PTPRD: variants seen among roughly 807,000 people sequenced by gnomAD.
The protein encoded by PTPRD is protein tyrosine phosphatase receptor type D.
In PTPRD, 34 loss-of-function variants were observed where a neutral mutation model predicts 214.5. The observed-to-expected ratio is 0.16, with a 90% CI of 0.12 to 0.21. The LOEUF (loss-of-function observed/expected upper bound fraction) is 0.21. Among genes scored for constraint, PTPRD ranks in the 10% least tolerant of loss-of-function variants. The pLI is 1.00. For missense variants in PTPRD, 2,545 were observed against 2,398.7 expected (o/e 1.06, Z -1.27); for synonymous variants, 1,128 against 845.7 (o/e 1.33, Z -5.79).
intron 4 of PTPRD, among the ~76,000 whole-genome samples, chr9:9,982,816 G>C (rs2095589794): frequency 6.6e-6 from 1 of 152,002 alleles, no homozygotes; most frequent in Non-Finnish European, 1.5e-5. Context: ...CTTGATTATA[G>C]CTTTCTATTT....
At chr9:10,280,192 G>C (rs1452728894) in intron 3 of PTPRD, among the ~76,000 whole-genome samples, 1 of 151,986 alleles carries the variant, frequency 6.6e-6, no homozygotes. Flanking sequence ...GTCTCCAGTA[G>C]AAGTTTCCTT....
intron 8 of PTPRD, among the ~76,000 whole-genome samples, chr9:9,490,718 A>G (rs1221305335): frequency 6.6e-6 from 1 of 152,008 alleles, no homozygotes; most frequent in East Asian, 1.9e-4. Context: ...AAGCAGCTAT[A>G]AAATATAAAT....
At chr9:9,000,073 G>T (rs1300864266) in intron 11 of PTPRD, among the ~76,000 whole-genome samples, 1 of 152,006 alleles carries the variant, frequency 6.6e-6, no homozygotes, top group African/African-American at 2.4e-5. Flanking sequence ...TGGAGGCTCT[G>T]TGTGTAGCTT....
chr9:10,233,886 CAA>C (rs1018234190), intron 3 of PTPRD, among the ~76,000 whole-genome samples: 1 of 151,830 alleles, frequency 6.6e-6, no homozygotes, highest in Admixed American at 6.6e-5. Context: ...AGGGGCAAAT[CAA>C]AAGTTTTACC....
At chr9:10,335,524 G>A (rs890052158) in intron 3 of PTPRD, among the ~76,000 whole-genome samples, 1 of 151,670 alleles carries the variant, frequency 6.6e-6, no homozygotes, top group Non-Finnish European at 1.5e-5. Context: ...AAATGTAGAT[G>A]ATCTTGGGTT....
intron 3 of PTPRD, among the ~76,000 whole-genome samples, chr9:10,307,539 C>T (rs1394662300): frequency 6.6e-6 from 1 of 152,012 alleles, no homozygotes; most frequent in African/African-American, 2.4e-5. Flanking sequence ...GAAGATATCT[C>T]TTTAATATAT....
intron 39 of PTPRD, among the ~76,000 whole-genome samples, chr9:8,359,791 G>C (rs1339929042): frequency 6.6e-6 from 1 of 152,190 alleles, no homozygotes; most frequent in Non-Finnish European, 1.5e-5. Flanking sequence ...CTTTGTTTGT[G>C]TCAAAGTTCT....
chr9:9,933,274 C>G (rs1013798884), intron 5 of PTPRD, among the ~76,000 whole-genome samples: 2 of 152,232 alleles, frequency 1.3e-5, no homozygotes, highest in African/African-American at 4.8e-5. Context: ...TTAAAAGACA[C>G]AGACTGGCAA....
intron 7 of PTPRD, among the ~76,000 whole-genome samples, chr9:9,685,320 A>G (rs2097148420): frequency 6.6e-6 from 1 of 151,064 alleles, no homozygotes; most frequent in African/African-American, 2.4e-5. Flanking sequence ...ATGCAAATGG[A>G]ATCCACATAT....
chr9:9,049,964 G>A (rs576444291), intron 10 of PTPRD, among the ~76,000 whole-genome samples: 91 of 152,278 alleles, frequency 6.0e-4, no homozygotes, highest in African/African-American at 2.1e-3. Context: ...TGATCTATGA[G>A]GTAGCAAGGT....
At chr9:8,828,839 T>G (rs1209607501) in intron 11 of PTPRD, among the ~76,000 whole-genome samples, 1 of 152,212 alleles carries the variant, frequency 6.6e-6, no homozygotes, top group Non-Finnish European at 1.5e-5. Context: ...CTCCTCTCCA[T>G]GTAAACTCAG....
intron 3 of PTPRD, among the ~76,000 whole-genome samples, chr9:10,114,790 T>C (rs1225182644): frequency 1.3e-5 from 2 of 152,048 alleles, no homozygotes; most frequent in Non-Finnish European, 2.9e-5. Context: ...AGCAACATGT[T>C]TTTAATAATA....
At chr9:8,835,598 T>C (rs1468761335) in intron 11 of PTPRD, among the ~76,000 whole-genome samples, 4 of 152,200 alleles carry the variant, frequency 2.6e-5, no homozygotes, top group African/African-American at 4.8e-5. Flanking sequence ...GGCACAATCA[T>C]GGTTCACTGC....
Position 9,967,325 on chromosome 9 carries a change from A to T in PTPRD, c.-471-28715T>A, listed in dbSNP as rs541489070. Among the ~76,000 whole-genome samples the T allele has an allele frequency of 6.6e-5, 10 of 152,296 alleles. 1 individual carries two copies. In the East Asian group the frequency reaches 1.9e-3, roughly 29 times the overall value. ...GCAATAAAGTGACAAATTTGTAGAA[A>T]TAAAGGCCCTTAACAACTAGAATTT... On this transcript the variant is annotated intron_variant, in intron 4 of 45. Transcript: ENST00000381196.
At chr9:9,241,953 A>T (rs2099970574) in intron 9 of PTPRD, among the ~76,000 whole-genome samples, 1 of 152,008 alleles carries the variant, frequency 6.6e-6, no homozygotes, top group African/African-American at 2.4e-5. Flanking sequence ...TGGTCTTTAC[A>T]ATTTGGCATG....
intron 3 of PTPRD, among the ~76,000 whole-genome samples, chr9:10,257,061 G>A (rs566913820): frequency 1.3e-5 from 2 of 151,150 alleles, no homozygotes; most frequent in Admixed American, 1.3e-4. Flanking sequence ...AAGACTGAAG[G>A]CTCCCTAAGT....
At chr9:9,871,710 C>A (rs2065492697) in intron 5 of PTPRD, among the ~76,000 whole-genome samples, 1 of 150,546 alleles carries the variant, frequency 6.6e-6, no homozygotes, top group South Asian at 2.1e-4. Flanking sequence ...GGTATGCAAC[C>A]TAACCTCTTT....
At chr9:10,567,260 T>C (rs1408850000) in intron 2 of PTPRD, among the ~76,000 whole-genome samples, 3 of 152,114 alleles carry the variant, frequency 2.0e-5, no homozygotes, top group Non-Finnish European at 4.4e-5. Context: ...TAATTTACTG[T>C]GGTCACAAAA....
intron 12 of PTPRD, among the ~76,000 whole-genome samples, chr9:8,686,645 G>A (rs776389574): frequency 2.2e-4 from 33 of 152,154 alleles, no homozygotes; most frequent in Non-Finnish European, 3.2e-4. Flanking sequence ...GCTAGGATCG[G>A]AACCAGAGTT....
Sources: allele counts gnomAD v4.1 joint callset (sites outside exome capture counted in the v4.1 genomes callset), GRCh38; gene constraint gnomAD v4.1.1; transcripts MANE v1.5; gene names NCBI Gene and HGNC (gene_info 2026-07-23, HGNC 2026-07-21).